The following KCNJ6 variants were observed in gnomAD, a reference collection of about 807,000 sequenced individuals.
KCNJ6 encodes the protein potassium inwardly rectifying channel subfamily J member 6.
A neutral mutation model predicts 34.2 loss-of-function variants in KCNJ6; 9 were observed. The ratio of observed to expected loss-of-function variants is 0.26; its 90% CI spans 0.16 to 0.46. The LOEUF (loss-of-function observed/expected upper bound fraction) is 0.46. KCNJ6 is among the 20% of genes least tolerant of loss of function. KCNJ6 has a pLI of 1.00. For synonymous variants in KCNJ6, 196 were observed against 207.1 expected, an observed-to-expected ratio of 0.95 and a Z score of 0.46; for missense variants, 236 against 531.3, an observed-to-expected ratio of 0.44 and a Z score of 5.46.
At chr21:37,680,100 A>G (rs1211178574) in intron 3 of KCNJ6, among the ~76,000 whole-genome samples, 1 of 152,222 alleles carries the variant, frequency 6.6e-6, no homozygotes, top group Non-Finnish European at 1.5e-5. Flanking sequence ...TGAGATTTAT[A>G]GATCCCACTC....
intron 2 of KCNJ6, among the ~76,000 whole-genome samples, chr21:37,808,342 T>C (rs1266715089): frequency 6.6e-6 from 1 of 152,192 alleles, no homozygotes; most frequent in Non-Finnish European, 1.5e-5. Flanking sequence ...GAAATGGAGC[T>C]AAAGAATCAT....
Position 37,610,877 on chromosome 21 carries a change from G to C in KCNJ6, c.*14282C>G, listed in dbSNP as rs1390206779. On this transcript the variant is annotated 3_prime_UTR_variant, in exon 4 of 4. Coordinates refer to ENST00000609713, the MANE Select transcript of KCNJ6 (RefSeq NM_002240.5). ...AGGGAAATTTATAACATTGAATGCA[G>C]ATAGCACAAAAGAAGATCTGAAATC... 1.3e-5 allele frequency: 2 copies of C among 151,958 alleles called. No homozygotes were observed. The highest frequency in any genetic ancestry group is 4.8e-5 in the African/African-American group (2 of 41,374). The allele number at this position is 151,958 out of a possible 1,614,324, so 9.4% of individuals were successfully genotyped here.
At chr21:37,846,385 G>A (rs1157825028) in intron 1 of KCNJ6, among the ~76,000 whole-genome samples, 5 of 151,438 alleles carry the variant, frequency 3.3e-5, no homozygotes, top group Non-Finnish European at 7.4e-5. Context: ...GTGTGTGTGT[G>A]TGTGTGTGTG....
chr21:37,879,787 C>T (rs952292184), intron 1 of KCNJ6, among the ~76,000 whole-genome samples: 1 of 149,128 alleles, frequency 6.7e-6, no homozygotes, highest in Non-Finnish European at 1.5e-5. Flanking sequence ...GAGAGAGAGA[C>T]ATGCATGTCG....
intron 1 of KCNJ6, among the ~76,000 whole-genome samples, chr21:37,875,885 G>T (rs941556345): frequency 6.6e-6 from 1 of 152,172 alleles, no homozygotes; most frequent in Non-Finnish European, 1.5e-5. Flanking sequence ...CTCTAACAGC[G>T]TTGGAGGGTG....
chr21:37,783,442 T>G (rs956639456), intron 2 of KCNJ6, among the ~76,000 whole-genome samples: 19 of 152,292 alleles, frequency 1.2e-4, no homozygotes, highest in Non-Finnish European at 2.4e-4. Flanking sequence ...CACTTTTGCA[T>G]CTTCCTCATT....
intron 3 of KCNJ6, among the ~76,000 whole-genome samples, chr21:37,700,846 G>A (rs1185969033): frequency 6.6e-6 from 1 of 152,130 alleles, no homozygotes; most frequent in Non-Finnish European, 1.5e-5. Context: ...GTGTCTTGAG[G>A]AGGGATGCCT....
At position 37,618,162 on chromosome 21, in the gene KCNJ6, A is replaced by G. The variant is rs2054279421; in HGVS notation, c.*6997T>C. ...GCCCGTGATGGCCGGATCTGAGGAC[A>G]GTGCTCCTTCCCCTCTTCTAAGAAG... On this transcript the variant is annotated 3_prime_UTR_variant, in exon 4 of 4. Coordinates refer to ENST00000609713, the MANE Select transcript of KCNJ6 (RefSeq NM_002240.5). 6.6e-6 allele frequency: 1 copy of G among 152,298 alleles called. No homozygotes were observed. Among genetic ancestry groups the G allele is most frequent in the South Asian group, 2.1e-4 (1 of 4,834 alleles). 9.4% of individuals were successfully genotyped at this position (152,298 alleles called of 1,614,324 possible). A position where few individuals can be genotyped will look rare whatever the true frequency, so the allele number is the denominator to read the frequency against.
intron 2 of KCNJ6, among the ~76,000 whole-genome samples, chr21:37,830,345 A>C (rs1286692529): frequency 1.3e-5 from 2 of 152,170 alleles, no homozygotes; most frequent in Non-Finnish European, 2.9e-5. Context: ...CCATTACTGC[A>C]GAAGAATAAA....
chr21:37,658,539 CAG>C (rs1379930847), intron 3 of KCNJ6, among the ~76,000 whole-genome samples: 2 of 152,228 alleles, frequency 1.3e-5, no homozygotes, highest in Non-Finnish European at 2.9e-5. Context: ...GGTGGTGATA[CAG>C]AGAGATTTTT....
intron 3 of KCNJ6, among the ~76,000 whole-genome samples, chr21:37,631,873 G>A (rs528109811): frequency 2.4e-4 from 37 of 152,158 alleles, no homozygotes; most frequent in Non-Finnish European, 3.7e-4. Context: ...GCAGTGCAGC[G>A]GTGACACAGG....
rs1601529709 is a variant in KCNJ6, at chr21:37,915,912, A to G, written c.-56T>C. ...GCTGCGGACGGGGTGGCTTCACTCA[A>G]TCATGATCTCCTCTCTTGAAACGGA... On this transcript the variant is annotated 5_prime_UTR_variant, in exon 1 of 4. Coordinates refer to ENST00000609713, the MANE Select transcript of KCNJ6 (RefSeq NM_002240.5). The G allele has an allele frequency of 6.6e-6, 1 of 152,264 alleles. No homozygotes were observed. Among genetic ancestry groups the G allele is most frequent in the Admixed American group, 6.5e-5 (1 of 15,284 alleles). 9.4% of individuals were successfully genotyped at this position (152,264 alleles called of 1,614,324 possible).
At chr21:37,866,943 T>C (rs2055625669) in intron 1 of KCNJ6, among the ~76,000 whole-genome samples, 1 of 152,242 alleles carries the variant, frequency 6.6e-6, no homozygotes, top group Non-Finnish European at 1.5e-5. Flanking sequence ...ATTTTTACAA[T>C]CTCTAAATTG....
intron 2 of KCNJ6, among the ~76,000 whole-genome samples, chr21:37,806,689 C>A (rs1221541104): frequency 6.6e-6 from 1 of 152,206 alleles, no homozygotes. Flanking sequence ...ATTAACTATA[C>A]AATCCTGATC....
At position 37,715,126 on chromosome 21, in the gene KCNJ6, C is replaced by T. The variant is rs1355504247; in HGVS notation, c.31G>A (p.Val11Ile). 1.9e-6 allele frequency: 3 copies of T among 1,608,276 alleles called. No homozygotes were observed. Among genetic ancestry groups the T allele is most frequent in the South Asian group, 1.1e-5 (1 of 90,150 alleles). MAKLTESMTN[V>I]LEGDSMDQDV... is the part of the protein sequence containing the mutation. ...TGATCCATGGAGTCGCCCTCCAGGA[C>T]GTTAGCTGGTGGTTTGGAGAAAAGA... The change falls in exon 3 of 4, where the codon GTC becomes ATC. Residue 11 changes from valine to isoleucine, a missense_variant. Val to Ile is a conservative substitution (Grantham distance 29, BLOSUM62 3). Coordinates refer to ENST00000609713, the MANE Select transcript of KCNJ6 (RefSeq NM_002240.5).
chr21:37,839,843 G>A (rs956557693), intron 2 of KCNJ6, among the ~76,000 whole-genome samples: 5 of 152,026 alleles, frequency 3.3e-5, no homozygotes, highest in African/African-American at 9.7e-5. Flanking sequence ...TTGCTCTGCT[G>A]CCCAGACTAG....
chr21:37,727,526 T>C (rs1402335416), intron 2 of KCNJ6, among the ~76,000 whole-genome samples: 1 of 152,054 alleles, frequency 6.6e-6, no homozygotes, highest in African/African-American at 2.4e-5. Flanking sequence ...ATATGTGAAC[T>C]GGGGGAGTTT....
Position 37,806,497 on chromosome 21 carries a change from C to T in KCNJ6, c.25+34161G>A, listed in dbSNP as rs2055294071. Among the ~76,000 whole-genome samples, 3 of 152,232 alleles carry T rather than the reference C, an allele frequency of 2.0e-5. 1 individual carries two copies. In the South Asian group the frequency reaches 6.2e-4, roughly 32 times the overall value. ...GTAAATAGCAAAGCCAGAATTCCCC[C>T]CTCCCCGGGTCTTTATGATTGTAAG... On this transcript the variant is annotated intron_variant, in intron 2 of 3. Transcript: ENST00000609713.
chr21:37,837,217 T>C (rs1015966562), intron 2 of KCNJ6, among the ~76,000 whole-genome samples: 1 of 152,180 alleles, frequency 6.6e-6, no homozygotes, highest in Non-Finnish European at 1.5e-5. Flanking sequence ...CTTATCCTTA[T>C]CATGCCCGTC....
Sources: gnomAD v4.1 joint callset for allele counts (sites outside exome capture counted in the v4.1 genomes callset) on GRCh38, gnomAD v4.1.1 for gene constraint, MANE v1.5 for transcripts, NCBI Gene and HGNC (gene_info 2026-07-23, HGNC 2026-07-21) for gene names.